The following SNX29 variants were observed in gnomAD, a reference collection of about 807,000 sequenced individuals.
The protein encoded by SNX29 is sorting nexin 29.
In SNX29, 78 loss-of-function variants were observed where a neutral mutation model predicts 102.1. The observed-to-expected ratio is 0.76, with a 90% confidence interval of 0.64 to 0.92. SNX29 has a LOEUF of 0.92. Among genes scored for constraint, SNX29 ranks in the 40% least tolerant of loss-of-function variants. The pLI is 0.00. For synonymous variants in SNX29, 580 were observed against 414.5 expected, an observed-to-expected ratio of 1.40 and a Z score of -4.85; for missense variants, 1,280 against 1,061.7, an observed-to-expected ratio of 1.21 and a Z score of -2.86.
At chr16:12,307,712 C>A (rs566317275) in intron 15 of SNX29, among the ~76,000 whole-genome samples, 10 of 152,346 alleles carry the variant, frequency 6.6e-5, no homozygotes, top group African/African-American at 2.4e-4. Context: ...GAGGGCCTGC[C>A]TGTCTGCACA....
chr16:12,567,927 G>T (rs987688371), intron 20 of SNX29, among the ~76,000 whole-genome samples: 4 of 152,178 alleles, frequency 2.6e-5, no homozygotes, highest in African/African-American at 9.7e-5. Flanking sequence ...CACGCTGTGT[G>T]TTCGCGTTGC....
intron 16 of SNX29, among the ~76,000 whole-genome samples, chr16:12,360,882 C>T (rs1250658098): frequency 6.6e-6 from 1 of 152,170 alleles, no homozygotes; most frequent in African/African-American, 2.4e-5. Context: ...GAGAAGCCTC[C>T]AGTCATTCTG....
At chr16:12,139,222 A>AC (rs2054777753) in intron 13 of SNX29, among the ~76,000 whole-genome samples, 1 of 140,416 alleles carries the variant, frequency 7.1e-6, no homozygotes, top group Admixed American at 7.2e-5. Flanking sequence ...AAAAAAAAAA[A>AC]GGGAGGAAGG....
intron 13 of SNX29, among the ~76,000 whole-genome samples, chr16:12,158,866 C>G (rs2055664955): frequency 6.6e-6 from 1 of 152,200 alleles, no homozygotes; most frequent in Non-Finnish European, 1.5e-5. Flanking sequence ...GTATTGACTT[C>G]TGTCCCACTT....
At chr16:12,529,114 G>T (rs550377729) in intron 20 of SNX29, among the ~76,000 whole-genome samples, 1 of 152,318 alleles carries the variant, frequency 6.6e-6, no homozygotes, top group East Asian at 1.9e-4. Context: ...TTTCCTCCCA[G>T]TCTCTGTGCC....
chr16:12,193,536 G>A (rs528940322), intron 13 of SNX29, among the ~76,000 whole-genome samples: 1 of 151,342 alleles, frequency 6.6e-6, no homozygotes. Context: ...TACTCTGGAC[G>A]ATGCTTTTAG....
At chr16:12,567,069 C>T (rs748799744) in intron 20 of SNX29, among the ~76,000 whole-genome samples, 1 of 152,244 alleles carries the variant, frequency 6.6e-6, no homozygotes, top group African/African-American at 2.4e-5. Flanking sequence ...TTTCAGGGAA[C>T]CCTGCAGGGA....
chr16:12,364,984 T>A (rs537994433), intron 16 of SNX29, among the ~76,000 whole-genome samples: 1 of 152,242 alleles, frequency 6.6e-6, no homozygotes, highest in South Asian at 2.1e-4. Context: ...CCTTGCACCC[T>A]CTAGGCAGTC....
chr16:12,533,848 T>C (rs989034440), intron 20 of SNX29, among the ~76,000 whole-genome samples: 3 of 152,186 alleles, frequency 2.0e-5, no homozygotes, highest in Non-Finnish European at 2.9e-5. Flanking sequence ...TCCTGTTATA[T>C]AGGACTGCAG....
intron 20 of SNX29, among the ~76,000 whole-genome samples, chr16:12,539,428 G>T (rs2077223739): frequency 6.6e-6 from 1 of 152,220 alleles, no homozygotes; most frequent in African/African-American, 2.4e-5. Context: ...TGAGTCAGCA[G>T]TGTTTTTATT....
At chr16:12,029,712 C>T (rs151204169) in intron 4 of SNX29, 1 of 432,634 alleles carries the variant, frequency 2.3e-6, no homozygotes, top group Non-Finnish European at 4.6e-6. Context: ...CAGCCTCAGC[C>T]ACCTGAGTAG....
intron 20 of SNX29, among the ~76,000 whole-genome samples, chr16:12,552,555 C>T (rs1035548295): frequency 6.6e-6 from 1 of 152,212 alleles, no homozygotes; most frequent in Non-Finnish European, 1.5e-5. Context: ...AGCACTGGCA[C>T]ACAGGCCAGC....
intron 19 of SNX29, among the ~76,000 whole-genome samples, chr16:12,496,194 G>T (rs1447551649): frequency 6.6e-6 from 1 of 152,252 alleles, no homozygotes; most frequent in Non-Finnish European, 1.5e-5. Context: ...ATACTATGCA[G>T]TGTGAGCGCC....
intron 19 of SNX29, among the ~76,000 whole-genome samples, chr16:12,483,319 C>CTTT (rs71139599): frequency 0.12 from 16,204 of 134,510 alleles, 1,343 homozygotes; most frequent in African/African-American, 0.24. Context: ...ATTTACTTTT[C>CTTT]TTTTTTTTTT....
chr16:12,351,544 G>C (rs1358077512), intron 15 of SNX29, among the ~76,000 whole-genome samples: 2 of 152,178 alleles, frequency 1.3e-5, no homozygotes, highest in Non-Finnish European at 2.9e-5. Context: ...ATTAGATGGA[G>C]GGAACATTCT....
In SNX29 at chr16:12,566,980, C is replaced by A. The variant is rs137998351; in HGVS notation, c.2319-1526C>A. 6.2e-4 allele frequency among the ~76,000 whole-genome samples: 94 copies of A among 152,354 alleles called. 1 individual carries two copies. The highest frequency in any genetic ancestry group is 2.1e-3 in the African/African-American group (89 of 41,590). The stretch of plus-strand genomic sequence containing the variant: ...CGAGGGATCTCACTCGCACAGTGGC[C>A]ATGTCCCTGGAAAGGTGCAACGCAA... On this transcript the variant is annotated intron_variant, in intron 20 of 20. Transcript: ENST00000566228.
intron 15 of SNX29, among the ~76,000 whole-genome samples, chr16:12,340,539 T>C (rs1448234560): frequency 6.6e-6 from 1 of 152,134 alleles, no homozygotes; most frequent in Admixed American, 6.5e-5. Context: ...TTGAACAGAT[T>C]TGTGTTTGGA....
chr16:12,558,430 G>C (rs572282070), intron 20 of SNX29, among the ~76,000 whole-genome samples: 239 of 152,338 alleles, frequency 1.6e-3, no homozygotes, highest in African/African-American at 5.6e-3. Flanking sequence ...CTGACATCTA[G>C]AAAGCATTGG....
At chr16:12,346,548 G>A (rs776567688) in intron 15 of SNX29, among the ~76,000 whole-genome samples, 6 of 152,216 alleles carry the variant, frequency 3.9e-5, no homozygotes, top group South Asian at 2.1e-4. Flanking sequence ...TTCGCACCAC[G>A]CCGCACACCC....
Sources: gnomAD v4.1 joint callset for allele counts (sites outside exome capture counted in the v4.1 genomes callset) on GRCh38, gnomAD v4.1.1 for gene constraint, MANE v1.5 for transcripts, NCBI Gene and HGNC (gene_info 2026-07-23, HGNC 2026-07-21) for gene names.